FRYL: variants seen among roughly 807,000 people sequenced by gnomAD.
The protein encoded by FRYL is FRY like transcription coactivator, also known as protein furry homolog-like.
Under a neutral mutation model 351.2 loss-of-function variants are expected in FRYL, and 150 were observed. The ratio of observed to expected loss-of-function variants is 0.43; its 90% confidence interval spans 0.37 to 0.49. The LOEUF is 0.49. FRYL is among the 20% of genes least tolerant of loss of function. FRYL has a pLI of 0.00. For synonymous variants in FRYL, 1,153 were observed against 1,257.1 expected (o/e 0.92, Z 1.75); for missense variants, 3,036 against 3,619.3 (o/e 0.84, Z 4.13).
intron 25 of FRYL, 132 bp from the exon 26 acceptor site, chr4:48,573,375 T>C: frequency 3.3e-6 from 2 of 610,892 alleles, no homozygotes; most frequent in Non-Finnish European, 5.6e-6. Context: ...AATGTCTATT[T>C]TTTTATTTGG....
intron 28 of FRYL, 81 bp from the exon 29 acceptor site, chr4:48,565,772 TA>T: frequency 7.5e-7 from 1 of 1,338,894 alleles, no homozygotes; most frequent in Non-Finnish European, 1.0e-6. Flanking sequence ...ATTGAATGTG[TA>T]ATAGTGTAAA....
intron 1 of FRYL, among the ~76,000 whole-genome samples, chr4:48,768,518 A>C (rs2138868): frequency 0.97 from 148,017 of 152,320 alleles, 72,074 homozygotes; most frequent in East Asian, 1. Flanking sequence ...CAAAAAGTAC[A>C]ATTCAGCCGG....
intron 30 of FRYL, among the ~76,000 whole-genome samples, chr4:48,564,409 C>G (rs970742108): frequency 1.3e-5 from 2 of 152,120 alleles, no homozygotes; most frequent in African/African-American, 4.8e-5. Flanking sequence ...AGTCATTAAC[C>G]TCTCCAATTA....
chr4:48,506,483 C>CA (rs924462573), intron 59 of FRYL: 1 of 151,398 alleles, frequency 6.6e-6, no homozygotes, highest in Non-Finnish European at 1.5e-5. Flanking sequence ...ACGCTGGACT[C>CA]ACAGAATTTC....
intron 1 of FRYL, among the ~76,000 whole-genome samples, chr4:48,766,424 T>G (rs534922952): frequency 8.5e-5 from 13 of 152,288 alleles, no homozygotes; most frequent in African/African-American, 2.9e-4. Context: ...GACATGCTGG[T>G]ATATTTCACT....
intron 15 of FRYL, among the ~76,000 whole-genome samples, chr4:48,595,061 TTTTACTGGTGAGGACCG>T (rs1435064098): frequency 1.3e-5 from 2 of 152,230 alleles, no homozygotes; most frequent in Non-Finnish European, 2.9e-5. Context: ...AATGAATCTA[TTTTACTGGTGAGGACCG>T]TAGCAGATGC....
At position 48,500,184 on chromosome 4, in the gene FRYL, T is replaced by G; in HGVS notation, c.8629A>C (p.Ser2877Arg). The G allele has an allele frequency of 6.3e-7, 1 of 1,595,790 alleles. No individual in the cohort carries two copies. The highest frequency in any genetic ancestry group is 8.5e-7 in the Non-Finnish European group (1 of 1,176,234). Residue 2877 changes from serine (S) to arginine (R), a missense_variant, in exon 63 of 64, where the codon AGT (serine) becomes CGT (arginine). Coordinates refer to ENST00000358350, the MANE Select transcript of FRYL (RefSeq NM_015030.2). Reference sequence around the variant, plus strand: ...GCGGACTCAGCTTCTTTGAGGATACTTTCCAGTTGGGCAAGTTCCTCTGAC... The same window carrying G: ...GCGGACTCAGCTTCTTTGAGGATACGTTCCAGTTGGGCAAGTTCCTCTGAC... ...NMSEELAQLESILKEAESASE... is the reference protein window; with the variant it reads ...NMSEELAQLERILKEAESASE...
intron 1 of FRYL, among the ~76,000 whole-genome samples, chr4:48,742,085 T>G (rs1461533498): frequency 6.6e-6 from 1 of 152,218 alleles, no homozygotes; most frequent in African/African-American, 2.4e-5. Flanking sequence ...GAGGGGTATG[T>G]TGACAATGGA....
At chr4:48,656,364 A>ATAATATATACTAAATATATTATG (rs1759081722) in intron 3 of FRYL, among the ~76,000 whole-genome samples, 1 of 135,390 alleles carries the variant, frequency 7.4e-6, no homozygotes, top group Admixed American at 7.9e-5. Flanking sequence ...AATATATTAT[A>ATAATATATACTAAATATATTATG]TAATATATAC....
chr4:48,532,164 T>C (rs986572128), intron 49 of FRYL, among the ~76,000 whole-genome samples: 18 of 152,180 alleles, frequency 1.2e-4, no homozygotes, highest in African/African-American at 4.1e-4. Context: ...TATTATATTA[T>C]ACATATTCTT....
At chr4:48,749,486 T>A (rs1773033006) in intron 1 of FRYL, among the ~76,000 whole-genome samples, 1 of 152,136 alleles carries the variant, frequency 6.6e-6, no homozygotes, top group Admixed American at 6.5e-5. Flanking sequence ...GCTTAGGGCT[T>A]CTCTTAGTGT....
chr4:48,767,319 C>T (rs1775065587), intron 1 of FRYL, among the ~76,000 whole-genome samples: 1 of 152,080 alleles, frequency 6.6e-6, no homozygotes, highest in Non-Finnish European at 1.5e-5. Flanking sequence ...AACTCGCTCA[C>T]TATCACAAGA....
At position 48,564,099 on chromosome 4, in the gene FRYL, G is replaced by A. The variant is rs1309928930; in HGVS notation, c.3445C>T (p.His1149Tyr). Residue 1149 changes from histidine (H) to tyrosine (Y), a missense_variant, in exon 31 of 64, where the codon CAC (histidine) becomes TAC (tyrosine). Coordinates refer to ENST00000358350, the MANE Select transcript of FRYL (RefSeq NM_015030.2). ...GTAACTGCTTCACAGCCCAGCTGGT[G>A]AACCTAGGTAAAGGTTGTGAAATTG... ...NILDSLDKKV[H>Y]QLGCEAVTLL... 2 of 1,613,358 alleles carry A rather than the reference G, an allele frequency of 1.2e-6. No individual in the cohort carries two copies. The highest frequency in any genetic ancestry group is 1.3e-5 in the African/African-American group (1 of 75,014).
intron 1 of FRYL, among the ~76,000 whole-genome samples, chr4:48,746,170 T>C (rs1171316407): frequency 6.6e-6 from 1 of 152,202 alleles, no homozygotes; most frequent in Non-Finnish European, 1.5e-5. Flanking sequence ...GATGGGTCAC[T>C]GTGGTTAGGA....
chr4:48,667,778 C>A (rs1407316718), intron 3 of FRYL, among the ~76,000 whole-genome samples: 1 of 152,072 alleles, frequency 6.6e-6, no homozygotes, highest in Non-Finnish European at 1.5e-5. Context: ...CTCCCCAGTA[C>A]CTGGGATTAC....
intron 9 of FRYL, 36 bp downstream of exon 9, chr4:48,608,951 C>T: frequency 7.5e-7 from 1 of 1,328,076 alleles, no homozygotes. Context: ...TTCTAAAATG[C>T]AAAGAAAATC....
chr4:48,518,419 C>T (rs1276437602), intron 55 of FRYL, among the ~76,000 whole-genome samples: 2 of 152,200 alleles, frequency 1.3e-5, no homozygotes, highest in African/African-American at 2.4e-5. Flanking sequence ...AGAGACTTCA[C>T]TACCAACAAT....
intron 1 of FRYL, among the ~76,000 whole-genome samples, chr4:48,732,807 G>T (rs755732923): frequency 6.6e-6 from 1 of 151,778 alleles, no homozygotes; most frequent in Non-Finnish European, 1.5e-5. Context: ...GATAACATTA[G>T]AAGAAATATC....
chr4:48,528,021 T>A lies in FRYL; in HGVS notation c.7090A>T (p.Asn2364Tyr), dbSNP rs1560541279. 14 of 1,581,984 alleles carry A rather than the reference T, an allele frequency of 8.8e-6. No homozygotes were observed. Among genetic ancestry groups the A allele is most frequent in the Non-Finnish European group, 1.2e-5 (14 of 1,171,188 alleles). ...SQRRTREKLM[N>Y]VLSLCGPESG... Reference sequence around the variant, plus strand: ...TCTGGACCACAGAGAGAAAGCACATTCATTAGCTTTTCTCTTGTTCTTCGC... The same window carrying A: ...TCTGGACCACAGAGAGAAAGCACATACATTAGCTTTTCTCTTGTTCTTCGC... Residue 2364 changes from asparagine (N) to tyrosine (Y), a missense_variant, in exon 52 of 64, where the codon AAT becomes TAT. Asn to Tyr is a moderately radical substitution (Grantham distance 143, BLOSUM62 -2). This residue lies in a region of FRYL where 1,987 missense variants were observed against 2,311.7 expected (regional missense o/e 0.86). Coordinates refer to ENST00000358350, the MANE Select transcript of FRYL (RefSeq NM_015030.2).
Sources: gnomAD v4.1 joint callset for allele counts (sites outside exome capture counted in the v4.1 genomes callset) on GRCh38, gnomAD v4.1.1 for gene constraint, gnomAD v4.1.1 regional missense constraint, MANE v1.5 for transcripts, NCBI Gene and HGNC (gene_info 2026-07-23, HGNC 2026-07-21) for gene names.